Variants in OR10J1 observed in about 807,000 individuals in gnomAD.
The protein encoded by OR10J1 is olfactory receptor family 10 subfamily J member 1, also known as olfactory receptor 10J1.
For missense variants in OR10J1, 474 were observed against 376.6 expected (o/e 1.26, Z -2.14); for synonymous variants, 202 against 143.8 (o/e 1.40, Z -2.89).
the OR10J1 span, among the ~76,000 whole-genome samples, chr1:159,407,993 T>G: frequency 6.6e-6 from 1 of 151,912 alleles, no homozygotes; most frequent in Non-Finnish European, 1.5e-5. Context: ...TATGGAAACA[T>G]GAAGAAGGGT....
the OR10J1 span, among the ~76,000 whole-genome samples, chr1:159,423,221 A>G: frequency 6.6e-6 from 1 of 152,204 alleles, no homozygotes; most frequent in Non-Finnish European, 1.5e-5. Flanking sequence ...CAATGCTTCT[A>G]CACTTTATTA....
At chr1:159,436,910 G>T (rs892036907), upstream of OR10J1, among the ~76,000 whole-genome samples, 1 of 152,124 alleles carries the variant, frequency 6.6e-6, no homozygotes. Context: ...TATTATGATT[G>T]TCTATCACCT....
At chr1:159,404,769 G>A in the OR10J1 span, among the ~76,000 whole-genome samples, 1 of 152,108 alleles carries the variant, frequency 6.6e-6, no homozygotes, top group Non-Finnish European at 1.5e-5. Context: ...AGTTTCGTGT[G>A]CCTGGGCAGA....
the OR10J1 span, chr1:159,432,752 G>T: frequency 2.5e-6 from 1 of 401,564 alleles, no homozygotes; most frequent in Non-Finnish European, 4.4e-6. Flanking sequence ...GTGATATCCG[G>T]CCCATAATGA....
chr1:159,409,363 C>G, the OR10J1 span, among the ~76,000 whole-genome samples: 1 of 152,028 alleles, frequency 6.6e-6, no homozygotes, highest in Non-Finnish European at 1.5e-5. Context: ...TTGTTTTTAA[C>G]TTTTTAGGCC....
At chr1:159,433,202 C>T (rs1290268884), upstream of OR10J1, 4 of 397,106 alleles carry the variant, frequency 1.0e-5, no homozygotes, top group Non-Finnish European at 1.8e-5. Context: ...GTGAGAGGGA[C>T]AATAAGATGA....
chr1:159,440,273 C>A lies in OR10J1; in HGVS notation c.482C>A (p.Thr161Lys). Reference sequence around the variant, plus strand: ...CTGATTGTAGCAATAACGCAAGTGACATCTGTATTCAGGTTACCCTTCTGT... The same window carrying A: ...CTGATTGTAGCAATAACGCAAGTGAAATCTGTATTCAGGTTACCCTTCTGT... ...IGLIVAITQV[T>K]SVFRLPFCAR... The change falls in exon 1 of 1, where the codon ACA becomes AAA. Residue 161 changes from threonine (T) to lysine (K), a missense_variant. Coordinates refer to ENST00000423932, the MANE Select transcript of OR10J1 (RefSeq NM_012351.3). 1 of 1,614,136 alleles carries A rather than the reference C, an allele frequency of 6.2e-7. No homozygotes were observed. The highest frequency in any genetic ancestry group is 8.5e-7 in the Non-Finnish European group (1 of 1,180,010).
At chr1:159,426,910 G>A in the OR10J1 span, among the ~76,000 whole-genome samples, 1 of 151,850 alleles carries the variant, frequency 6.6e-6, no homozygotes, top group African/African-American at 2.4e-5. Context: ...TAAGCACTTT[G>A]AAATATTTAC....
At position 159,440,384 on chromosome 1, in the gene OR10J1, C is replaced by T. The variant is rs1558011133; in HGVS notation, c.593C>T (p.Thr198Ile). Reference sequence around the variant, plus strand: ...GACACCACTGTCAATGAAATCCTGACTTTGATTATCAGTGTGCTGGTGCTT... The same window carrying T: ...GACACCACTGTCAATGAAATCCTGATTTTGATTATCAGTGTGCTGGTGCTT... ...CIDTTVNEIL[T>I]LIISVLVLVV... is the part of the protein sequence containing the mutation. The change falls in exon 1 of 1, where the codon ACT (threonine) becomes ATT (isoleucine). Residue 198 changes from threonine to isoleucine, a missense_variant. Coordinates refer to ENST00000423932, the MANE Select transcript of OR10J1 (RefSeq NM_012351.3). The T allele has an allele frequency of 1.2e-6, 2 of 1,614,150 alleles. No homozygotes were observed. The highest frequency in any genetic ancestry group is 1.7e-6 in the Non-Finnish European group (2 of 1,180,022).
the OR10J1 span, among the ~76,000 whole-genome samples, chr1:159,423,612 A>G: frequency 2.6e-5 from 4 of 152,230 alleles, no homozygotes; most frequent in African/African-American, 9.6e-5. Context: ...AAGTTGGAGA[A>G]GAAGTGCAGT....
rs905165744 is a variant in OR10J1, at chr1:159,440,356, A to G, written c.565A>G (p.Ile189Val). 4.3e-6 allele frequency: 7 copies of G among 1,614,046 alleles called. No homozygotes were observed. The African/African-American group carries it at 9.3e-5, about 22-fold the overall frequency. Residue 189 changes from isoleucine (I) to valine (V), a missense_variant, in exon 1 of 1, where the codon ATT becomes GTT. Physicochemically the swap from Ile to Val is conservative, Grantham distance 29. Transcript: ENST00000423932. ...DIRPVMKLSC[I>V]DTTVNEILTL... The stretch of plus-strand genomic sequence containing the variant: ...CCGCCCTGTGATGAAGCTCTCCTGC[A>G]TTGACACCACTGTCAATGAAATCCT...
At chr1:159,405,923 T>A in the OR10J1 span, 7 of 517,986 alleles carry the variant, frequency 1.4e-5, no homozygotes, top group Non-Finnish European at 2.6e-5. Context: ...CCCAGGCCAA[T>A]CCTCAGTGAC....
At chr1:159,411,879 A>G in the OR10J1 span, among the ~76,000 whole-genome samples, 1 of 152,060 alleles carries the variant, frequency 6.6e-6, no homozygotes, top group African/African-American at 2.4e-5. Flanking sequence ...TTCAATTAGG[A>G]AAAGAGGAAG....
At chr1:159,435,168 G>T (rs1000988062), upstream of OR10J1, among the ~76,000 whole-genome samples, 1 of 152,084 alleles carries the variant, frequency 6.6e-6, no homozygotes, top group Non-Finnish European at 1.5e-5. Flanking sequence ...ATTTCACTCC[G>T]AGTGTTCTTT....
At chr1:159,435,223 C>G (rs1255322142), upstream of OR10J1, among the ~76,000 whole-genome samples, 3 of 152,140 alleles carry the variant, frequency 2.0e-5, no homozygotes, top group Non-Finnish European at 4.4e-5. Flanking sequence ...CATTTCTCCT[C>G]CAGATTCCCT....
the OR10J1 span, among the ~76,000 whole-genome samples, chr1:159,418,971 C>T: frequency 5.6e-4 from 85 of 152,272 alleles, 3 homozygotes; most frequent in East Asian, 0.015. Flanking sequence ...TTGCATGGGG[C>T]CTGTAGCCCC....
upstream of OR10J1, among the ~76,000 whole-genome samples, chr1:159,433,357 T>C (rs2101700733): frequency 6.6e-6 from 1 of 152,180 alleles, no homozygotes; most frequent in South Asian, 2.1e-4. Context: ...TTACCAAGCT[T>C]GATGAAAATC....
the OR10J1 span, chr1:159,406,419 G>T: frequency 2.6e-6 from 1 of 379,934 alleles, no homozygotes; most frequent in Non-Finnish European, 5.2e-6. Context: ...CAGAGGTGAG[G>T]CTCCAACTAT....
At chr1:159,419,891 T>A in the OR10J1 span, among the ~76,000 whole-genome samples, 1 of 152,186 alleles carries the variant, frequency 6.6e-6, no homozygotes, top group Admixed American at 6.5e-5. Flanking sequence ...TACTTTTCCT[T>A]CTGGATGATC....
Sources: allele counts gnomAD v4.1 joint callset (sites outside exome capture counted in the v4.1 genomes callset), GRCh38; gene constraint gnomAD v4.1.1; transcripts MANE v1.5; gene names NCBI Gene and HGNC (gene_info 2026-07-23, HGNC 2026-07-21).